SCLT1: variants seen among roughly 807,000 people sequenced by gnomAD.
SCLT1 encodes the protein sodium channel-associated protein 1.
Under a neutral mutation model 112.8 loss-of-function variants are expected in SCLT1, and 78 were observed. The observed-to-expected ratio is 0.69, with a 90% CI of 0.58 to 0.83. The LOEUF is 0.83. SCLT1 is among the 40% of genes least tolerant of loss of function. The pLI is 0.00. For missense variants in SCLT1, 747 were observed against 770.4 expected (o/e 0.97, Z 0.36); for synonymous variants, 257 against 254.7 (o/e 1.01, Z -0.09).
intron 14 of SCLT1, among the ~76,000 whole-genome samples, chr4:128,949,731 AG>A (rs749080088): frequency 2.3e-4 from 35 of 151,366 alleles, no homozygotes; most frequent in Non-Finnish European, 4.5e-4. Flanking sequence ...ATGGCTGTAT[AG>A]TATTCCATGG....
intron 2 of SCLT1, among the ~76,000 whole-genome samples, chr4:129,055,192 G>A (rs1014537667): frequency 1.3e-5 from 2 of 152,178 alleles, no homozygotes; most frequent in Admixed American, 1.3e-4. Flanking sequence ...CCTGTATGAG[G>A]AGTCAGTCAA....
intron 14 of SCLT1, among the ~76,000 whole-genome samples, chr4:128,948,993 T>A (rs1738450992): frequency 6.6e-6 from 1 of 152,196 alleles, no homozygotes; most frequent in Admixed American, 6.5e-5. Context: ...CTTTTTTCTT[T>A]ACAAAAATTA....
Position 128,948,747 on chromosome 4 carries a change from C to A in SCLT1, c.1219-177G>T, listed in dbSNP as rs181481025. Among the ~76,000 whole-genome samples the A allele has an allele frequency of 9.1e-4, 138 of 152,244 alleles. 1 individual carries two copies. The highest frequency in any genetic ancestry group is 3.2e-3 in the African/African-American group (132 of 41,542). ...TGAAGAGCAACCTAACCCAGGATTG[C>A]AGAAATTGCCTCCAGCAGTAGGATG... On this transcript the variant is annotated intron_variant, in intron 14 of 20. Coordinates refer to ENST00000281142, the MANE Select transcript of SCLT1 (RefSeq NM_144643.4).
intron 18 of SCLT1, among the ~76,000 whole-genome samples, chr4:128,906,290 C>G (rs1004721769): frequency 9.9e-5 from 15 of 152,078 alleles, no homozygotes; most frequent in South Asian, 2.1e-4. Context: ...CTCTGCCTCC[C>G]GGGTTCACGT....
intron 5 of SCLT1, among the ~76,000 whole-genome samples, chr4:129,027,723 G>C (rs1206242413): frequency 6.6e-6 from 1 of 152,288 alleles, no homozygotes; most frequent in African/African-American, 2.4e-5. Context: ...ATTAGGAAAA[G>C]AGGCAGTCAA....
At position 129,023,675 on chromosome 4, in the gene SCLT1, AGACAGTGGGTGCAG is replaced by A. The variant is rs1377129261; in HGVS notation, c.290+15352_290+15365del. Among the ~76,000 whole-genome samples the A allele has an allele frequency of 3.3e-5, 5 of 152,314 alleles. No individual in the cohort carries two copies. In the South Asian group the frequency reaches 6.2e-4, roughly 19 times the overall value. ...TGGGTTCATCTCACTAGGGGGTGCC[AGACAGTGGGTGCAG>A]GACAGTGGGTGCAGTGCACTGTGTG... On this transcript the variant is annotated intron_variant, in intron 5 of 20. Coordinates refer to ENST00000281142, the MANE Select transcript of SCLT1 (RefSeq NM_144643.4).
chr4:128,875,480 A>AAC (rs1318309188), intron 4 of SCLT1, among the ~76,000 whole-genome samples: 1 of 143,304 alleles, frequency 7.0e-6, no homozygotes, highest in Non-Finnish European at 1.5e-5. Context: ...TGGATCTGAA[A>AAC]ACAGAATCGT....
At position 128,884,170 on chromosome 4, in the gene SCLT1, G is replaced by A. The variant is rs191723769; in HGVS notation, c.*307C>T. 4.7e-4 allele frequency: 106 copies of A among 227,370 alleles called. No individual in the cohort carries two copies. In the East Asian group the frequency reaches 5.9e-3, roughly 13 times the overall value. The allele number at this position is 227,370 out of a possible 1,614,324, so 14.1% of individuals were successfully genotyped here. Reference sequence around the variant, plus strand: ...TTCTTATGAAAGAGAAATTTGCATAGTTTGAAAATTATTATGTCCTTTCAA... The same window carrying A: ...TTCTTATGAAAGAGAAATTTGCATAATTTGAAAATTATTATGTCCTTTCAA... On this transcript the variant is annotated 3_prime_UTR_variant, in exon 21 of 21. Transcript: ENST00000281142.
chr4:129,037,134 T>C (rs936560666), intron 5 of SCLT1: 3 of 149,610 alleles, frequency 2.0e-5, no homozygotes, highest in African/African-American at 4.9e-5. Flanking sequence ...AGGAGAAGAG[T>C]GAGAGATTTA....
intron 4 of SCLT1, among the ~76,000 whole-genome samples, chr4:128,875,460 A>T (rs1434435885): frequency 6.7e-6 from 1 of 149,078 alleles, no homozygotes; most frequent in Non-Finnish European, 1.5e-5. Context: ...TTCTTTCCAG[A>T]ATACAGTTTT....
chr4:129,079,581 T>C (rs866289337), intron 2 of SCLT1, among the ~76,000 whole-genome samples: 1 of 152,230 alleles, frequency 6.6e-6, no homozygotes, highest in Non-Finnish European at 1.5e-5. Context: ...TCTGTTGCTC[T>C]GCAGGGTACA....
chr4:128,880,376 T>C (rs77854985), downstream of SCLT1, among the ~76,000 whole-genome samples: 5,649 of 152,256 alleles, frequency 0.037, 167 homozygotes, highest in Non-Finnish European at 0.058. Context: ...GTGGCTAGCA[T>C]TCATTGTAAA....
rs927043389 is a variant in SCLT1 at position 129,093,275 on chromosome 4, T to C, written c.-172A>G. ...CATCTACAGCCCCGCCACGCTTCTT[T>C]CCCCCGCGCCCCAGACGAGTCCCTG... On this transcript the variant is annotated 5_prime_UTR_variant, in exon 1 of 21. Coordinates refer to ENST00000281142, the MANE Select transcript of SCLT1 (RefSeq NM_144643.4). 4.7e-6 allele frequency: 3 copies of C among 634,856 alleles called. No homozygotes were observed. In the Admixed American group the frequency reaches 7.9e-5, roughly 17 times the overall value. The allele number at this position is 634,856 out of a possible 1,614,324, so 39.3% of individuals were successfully genotyped here. A position where few individuals can be genotyped will look rare whatever the true frequency, so the allele number is the denominator to read the frequency against.
At chr4:128,940,510 C>T (rs73850042) in intron 17 of SCLT1, among the ~76,000 whole-genome samples, 4,949 of 151,662 alleles carry the variant, frequency 0.033, 219 homozygotes, top group African/African-American at 0.1. Flanking sequence ...ATAAATTTTT[C>T]AATCATAGGG....
chr4:128,997,934 C>T lies in SCLT1; in HGVS notation c.555G>A (p.Gln185=). Residue 185 remains glutamine, a synonymous_variant, in exon 8 of 21, where the codon CAG becomes CAA. Transcript: ENST00000281142. ...HVFESQKQKD[Q]LFDFQQLTKQ... ...TGGTCAGTTGTTGAAAATCAAATAGCTGATCCTACAGTGGGAAGGTAAGGG... is the reference window on the plus strand; with the variant it reads ...TGGTCAGTTGTTGAAAATCAAATAGTTGATCCTACAGTGGGAAGGTAAGGG... 6.6e-7 allele frequency: 1 copy of T among 1,505,522 alleles called. No homozygotes were observed. Among genetic ancestry groups the T allele is most frequent in the Non-Finnish European group, 8.9e-7 (1 of 1,118,316 alleles). The allele number at this position is 1,505,522 out of a possible 1,614,324, so 93.3% of individuals were successfully genotyped here. A position where few individuals can be genotyped will look rare whatever the true frequency, so the allele number is the denominator to read the frequency against.
intron 2 of SCLT1, among the ~76,000 whole-genome samples, chr4:129,049,446 A>T (rs981276620): frequency 2.4e-5 from 3 of 127,526 alleles, no homozygotes; most frequent in Non-Finnish European, 4.7e-5. Flanking sequence ...ACATGGACAC[A>T]GGAAGGGGAA....
chr4:128,919,936 C>T (rs902064610), intron 18 of SCLT1, among the ~76,000 whole-genome samples: 3 of 152,032 alleles, frequency 2.0e-5, no homozygotes, highest in Non-Finnish European at 4.4e-5. Flanking sequence ...ATCCCAGGGT[C>T]AGAAGGATTC....
intron 1 of SCLT1, among the ~76,000 whole-genome samples, chr4:129,083,248 T>C (rs1752111220): frequency 6.8e-6 from 1 of 146,356 alleles, no homozygotes; most frequent in African/African-American, 2.5e-5. Context: ...AACAAGACCA[T>C]ACTTTTATTT....
chr4:129,045,883 A>G (rs946171059), intron 2 of SCLT1, among the ~76,000 whole-genome samples: 4 of 152,118 alleles, frequency 2.6e-5, no homozygotes, highest in African/African-American at 9.7e-5. Context: ...TAAATAATAC[A>G]AAGATGAACA....
Sources: gnomAD v4.1 joint callset for allele counts (sites outside exome capture counted in the v4.1 genomes callset) on GRCh38, gnomAD v4.1.1 for gene constraint, MANE v1.5 for transcripts, NCBI Gene and HGNC (gene_info 2026-07-23, HGNC 2026-07-21) for gene names.